The following APBB1IP variants were observed in gnomAD, a reference collection of about 807,000 sequenced individuals.
The protein encoded by APBB1IP is amyloid beta A4 precursor protein-binding family B member 1-interacting protein.
In APBB1IP, 27 loss-of-function variants were observed where a neutral mutation model predicts 64.9. That is an observed-to-expected ratio of 0.42 (90% CI 0.31 to 0.57). The LOEUF is 0.57. Ranked by LOEUF, APBB1IP falls within the 20% of genes least tolerant of loss-of-function variation. The probability of loss-of-function intolerance (pLI) is 0.20; values close to 1 mark genes in which losing one functional copy is unlikely to be tolerated. For synonymous variants in APBB1IP, 392 were observed against 331.0 expected (o/e 1.18, Z -2.00); for missense variants, 812 against 845.5 (o/e 0.96, Z 0.49).
chr10:26,562,259 C>A, intron 13 of APBB1IP, 67 bp from the exon 14 acceptor site: 1 of 1,210,140 alleles, frequency 8.3e-7, no homozygotes, highest in Non-Finnish European at 1.2e-6. Flanking sequence ...TTTGTATTTT[C>A]AGATCGACTT....
At chr10:26,488,706 C>G (rs963711311) in intron 2 of APBB1IP, among the ~76,000 whole-genome samples, 1 of 152,178 alleles carries the variant, frequency 6.6e-6, no homozygotes. Context: ...TTTTTAATCC[C>G]AACAATACAC....
chr10:26,485,671 T>C (rs994605733), intron 2 of APBB1IP, among the ~76,000 whole-genome samples: 3 of 152,212 alleles, frequency 2.0e-5, no homozygotes, highest in Non-Finnish European at 2.9e-5. Context: ...CCTTATTTTA[T>C]AGACAAGGAA....
chr10:26,542,356 A>G (rs561346537), intron 11 of APBB1IP, among the ~76,000 whole-genome samples: 35 of 152,238 alleles, frequency 2.3e-4, no homozygotes, highest in African/African-American at 7.5e-4. Flanking sequence ...GGGCTTTACC[A>G]TATTACCCAG....
chr10:26,551,944 TGG>T (rs1836836291), intron 11 of APBB1IP, among the ~76,000 whole-genome samples: 2 of 151,762 alleles, frequency 1.3e-5, no homozygotes, highest in Non-Finnish European at 2.9e-5. Context: ...GATGGATGGA[TGG>T]ATGGATGGAT....
chr10:26,561,211 A>G (rs532280041), intron 13 of APBB1IP, among the ~76,000 whole-genome samples: 40 of 149,340 alleles, frequency 2.7e-4, no homozygotes, highest in Non-Finnish European at 5.2e-4. Flanking sequence ...TGGGACTACA[A>G]GCGCCCGCCA....
chr10:26,521,699 CATTT>C (rs765407962), intron 8 of APBB1IP, among the ~76,000 whole-genome samples: 21 of 152,184 alleles, frequency 1.4e-4, no homozygotes, highest in Non-Finnish European at 2.5e-4. Flanking sequence ...CCACCTCACA[CATTT>C]GTTTGTTGAC....
chr10:26,438,582 G>T (rs1329896420), intron 1 of APBB1IP, 70 bp from the exon 2 acceptor site: 1 of 152,278 alleles, frequency 6.6e-6, no homozygotes, highest in East Asian at 1.9e-4. Context: ...GACTCGATGA[G>T]TTGGAGAAAG....
intron 11 of APBB1IP, among the ~76,000 whole-genome samples, chr10:26,547,981 A>T (rs1836787646): frequency 6.6e-6 from 1 of 151,212 alleles, no homozygotes; most frequent in African/African-American, 2.4e-5. Flanking sequence ...TTATTTCTGG[A>T]CTCTCTATCT....
intron 3 of APBB1IP, among the ~76,000 whole-genome samples, chr10:26,495,887 T>A (rs899424744): frequency 3.0e-4 from 43 of 143,744 alleles, no homozygotes; most frequent in African/African-American, 8.4e-4. Flanking sequence ...TTACAGAATT[T>A]TATATATATA....
At position 26,453,282 on chromosome 10, in the gene APBB1IP, G is replaced by A. The variant is rs138377042; in HGVS notation, c.-1+14429G>A. Among the ~76,000 whole-genome samples, 563 of 152,276 alleles carry A rather than the reference G, an allele frequency of 3.7e-3. 3 individuals carry two copies. The highest frequency in any genetic ancestry group is 0.013 in the African/African-American group (541 of 41,542). ...AGGTAATGGCAATGGTGTGTTTACA[G>A]GAGGAGAAAAACTCCTTTCACTGTA... On this transcript the variant is annotated intron_variant, in intron 2 of 14. Transcript: ENST00000376236.
chr10:26,559,044 A>G (rs992293486), intron 11 of APBB1IP, among the ~76,000 whole-genome samples: 2 of 152,164 alleles, frequency 1.3e-5, no homozygotes, highest in East Asian at 1.9e-4. Context: ...CAAAACTCTG[A>G]ATTTTTGGAA....
chr10:26,533,286 G>A (rs1836577131), intron 8 of APBB1IP, among the ~76,000 whole-genome samples, 153 bp from the exon 9 acceptor site: 1 of 152,214 alleles, frequency 6.6e-6, no homozygotes, highest in Non-Finnish European at 1.5e-5. Context: ...TCAGCATTTG[G>A]GAAGGCTCTG....
chr10:26,477,588 C>T (rs555961090), intron 2 of APBB1IP, among the ~76,000 whole-genome samples: 1 of 152,342 alleles, frequency 6.6e-6, no homozygotes, highest in South Asian at 2.1e-4. Context: ...GTCTCTTCTA[C>T]TGCTCTCTCT....
At chr10:26,467,178 T>C (rs1170734493) in intron 2 of APBB1IP, among the ~76,000 whole-genome samples, 1 of 152,146 alleles carries the variant, frequency 6.6e-6, no homozygotes, top group African/African-American at 2.4e-5. Flanking sequence ...AGTACTGAGA[T>C]TACAGGCGTG....
chr10:26,447,690 T>G (rs1835416985), intron 2 of APBB1IP, among the ~76,000 whole-genome samples: 2 of 152,228 alleles, frequency 1.3e-5, no homozygotes, highest in Admixed American at 1.3e-4. Context: ...TAAATTTCCT[T>G]GGTGCCACAT....
chr10:26,450,706 T>G lies in APBB1IP; in HGVS notation c.-1+11853T>G, dbSNP rs1264626955. Among the ~76,000 whole-genome samples the G allele has an allele frequency of 2.0e-5, 3 of 151,434 alleles. No individual in the cohort carries two copies. In the East Asian group the frequency reaches 5.8e-4, roughly 29 times the overall value. Reference sequence around the variant, plus strand: ...ACTCAGATTCTTTTTTTTTTTTTTTTGACACTGAGTACTGAGTCTCACTTT... The same window carrying G: ...ACTCAGATTCTTTTTTTTTTTTTTTGGACACTGAGTACTGAGTCTCACTTT... On this transcript the variant is annotated intron_variant, in intron 2 of 14. Transcript: ENST00000376236.
At chr10:26,517,042 T>A (rs571980492) in intron 8 of APBB1IP, among the ~76,000 whole-genome samples, 2 of 152,308 alleles carry the variant, frequency 1.3e-5, no homozygotes, top group East Asian at 3.9e-4. Flanking sequence ...CCCAGAGGAA[T>A]CTTGATGGCT....
intron 8 of APBB1IP, among the ~76,000 whole-genome samples, chr10:26,520,471 G>C (rs766676): frequency 0.22 from 32,951 of 152,124 alleles, 4,164 homozygotes; most frequent in Middle Eastern, 0.29. Flanking sequence ...CATTCTTAAA[G>C]TACCAATACT....
chr10:26,502,942 A>G (rs531622607), intron 5 of APBB1IP, among the ~76,000 whole-genome samples: 2 of 152,296 alleles, frequency 1.3e-5, no homozygotes, highest in East Asian at 3.9e-4. Flanking sequence ...TATATCTTTG[A>G]GTTGAAGAAT....
Sources: gnomAD v4.1 joint callset for allele counts (sites outside exome capture counted in the v4.1 genomes callset) on GRCh38, gnomAD v4.1.1 for gene constraint, MANE v1.5 for transcripts, NCBI Gene and HGNC (gene_info 2026-07-23, HGNC 2026-07-21) for gene names.